Variants in UQCRC2 observed in about 807,000 individuals in gnomAD.
UQCRC2 encodes the protein cytochrome b-c1 complex subunit 2, mitochondrial.
UQCRC2 carries 49 observed loss-of-function variants against 55.6 expected under a neutral mutation model. That is an observed-to-expected ratio of 0.88 (90% CI 0.70 to 1.12). The LOEUF (loss-of-function observed/expected upper bound fraction) is 1.12. Ranked by LOEUF, UQCRC2 falls within the 50% of genes most tolerant of loss-of-function variation. The pLI is 0.00. For synonymous variants in UQCRC2, 193 were observed against 192.0 expected (o/e 1.01, Z -0.04); for missense variants, 506 against 547.8 (o/e 0.92, Z 0.76).
chr16:21,957,698 A>G (rs1188873776), intron 3 of UQCRC2, 132 bp downstream of exon 3: 1 of 1,307,236 alleles, frequency 7.6e-7, no homozygotes, highest in African/African-American at 1.5e-5. Context: ...CGGACTGGGT[A>G]GCTTAAACCA....
chr16:21,978,823 C>T (rs1422542160), intron 12 of UQCRC2, among the ~76,000 whole-genome samples: 1 of 152,100 alleles, frequency 6.6e-6, no homozygotes, highest in Non-Finnish European at 1.5e-5. Context: ...TTAAAATTGC[C>T]CTGTTTCACT....
In UQCRC2 at chr16:21,962,466, C is replaced by T. The variant is rs369630012; in HGVS notation, c.339C>T (p.Thr113=). 1.6e-5 allele frequency: 26 copies of T among 1,613,894 alleles called. No homozygotes were observed. Among genetic ancestry groups the T allele is most frequent in the Middle Eastern group, 1.6e-4 (1 of 6,084 alleles). Residue 113 remains threonine, a synonymous_variant, in exon 5 of 14, where the codon ACC becomes ACT. Coordinates refer to ENST00000268379, the MANE Select transcript of UQCRC2 (RefSeq NM_003366.4). ...IEAVGGKLSV[T]ATRENMAYTV... is the part of the protein sequence containing the mutation. ...AGTTTATTTTCCGATTCAGTGTGAC[C>T]GCAACAAGGGAAAACATGGCTTATA...
chr16:21,957,428 A>G lies in UQCRC2; in HGVS notation c.129A>G (p.Leu43=). The change falls in exon 3 of 14, where the codon TTA becomes TTG. Residue 43 remains leucine, a synonymous_variant. Coordinates refer to ENST00000268379, the MANE Select transcript of UQCRC2 (RefSeq NM_003366.4). ...TATTTTAAATACAGTTTACCAAGTTACCAAATGGCTTGGTGATTGCTTCTT... is the reference window on the plus strand; with the variant it reads ...TATTTTAAATACAGTTTACCAAGTTGCCAAATGGCTTGGTGATTGCTTCTT... ...PQPQDLEFTK[L]PNGLVIASLE... is the part of the protein sequence containing the mutation. 1 of 1,614,102 alleles carries G rather than the reference A, an allele frequency of 6.2e-7. No homozygotes were observed. The highest frequency in any genetic ancestry group is 8.5e-7 in the Non-Finnish European group (1 of 1,180,016).
At chr16:21,955,054 C>CAAA (rs11388256) in intron 1 of UQCRC2, among the ~76,000 whole-genome samples, 2,679 of 101,352 alleles carry the variant, frequency 0.026, 80 homozygotes, top group Admixed American at 0.048. Context: ...GACTCCGTCT[C>CAAA]AAAAAAAAAA....
intron 7 of UQCRC2, among the ~76,000 whole-genome samples, chr16:21,967,637 A>T (rs548795805): frequency 4.6e-5 from 7 of 152,172 alleles, no homozygotes; most frequent in Admixed American, 1.3e-4. Flanking sequence ...TCGGTTTTAA[A>T]TAAGGATTCT....
At chr16:21,959,926 A>T (rs1210350797) in intron 4 of UQCRC2, 1 of 152,208 alleles carries the variant, frequency 6.6e-6, no homozygotes, top group Non-Finnish European at 1.5e-5. Context: ...ATATTCAGTC[A>T]ACCATGCTAT....
intron 10 of UQCRC2, among the ~76,000 whole-genome samples, chr16:21,972,550 T>C (rs1389328510): frequency 6.6e-6 from 1 of 152,172 alleles, no homozygotes; most frequent in Non-Finnish European, 1.5e-5. Context: ...GTTTACAGAC[T>C]CACTCATTCA....
intron 6 of UQCRC2, among the ~76,000 whole-genome samples, chr16:21,964,730 C>A (rs1046920201): frequency 6.6e-6 from 1 of 152,216 alleles, no homozygotes; most frequent in African/African-American, 2.4e-5. Context: ...ACTTTTGACA[C>A]ACTGCCGACA....
intron 6 of UQCRC2, among the ~76,000 whole-genome samples, 198 bp from the exon 7 acceptor site, chr16:21,965,210 T>C (rs1898297280): frequency 6.6e-6 from 1 of 152,234 alleles, no homozygotes; most frequent in Non-Finnish European, 1.5e-5. Flanking sequence ...TGTAATCTTT[T>C]TTATTTTTTT....
chr16:21,965,675 TTG>T, intron 7 of UQCRC2, 170 bp downstream of exon 7: 1 of 531,380 alleles, frequency 1.9e-6, no homozygotes. Context: ...TGAACAATTT[TTG>T]TGTCTCCTTT....
intron 4 of UQCRC2, among the ~76,000 whole-genome samples, chr16:21,960,606 T>G (rs1898177807): frequency 6.6e-6 from 1 of 152,232 alleles, no homozygotes; most frequent in Non-Finnish European, 1.5e-5. Context: ...TTAACATGCC[T>G]TCCTGACTTC....
chr16:21,959,134 G>T (rs1898144009), intron 4 of UQCRC2, among the ~76,000 whole-genome samples: 1 of 152,144 alleles, frequency 6.6e-6, no homozygotes, highest in Non-Finnish European at 1.5e-5. Flanking sequence ...AGGTGGTGGT[G>T]ACTGATAATT....
intron 6 of UQCRC2, 50 bp from the exon 7 acceptor site, chr16:21,965,357 TG>T: frequency 6.4e-7 from 1 of 1,561,724 alleles, no homozygotes; most frequent in Non-Finnish European, 8.8e-7. Context: ...TTAAAAATGT[TG>T]TCTTTACTGA....
intron 11 of UQCRC2, 131 bp from the exon 12 acceptor site, chr16:21,976,036 C>T (rs977371943): frequency 2.2e-5 from 13 of 597,694 alleles, no homozygotes; most frequent in African/African-American, 1.3e-4. Flanking sequence ...GACAGCATTC[C>T]GCATGGACAC....
chr16:21,971,577 G>C lies in UQCRC2; in HGVS notation c.723G>C (p.Arg241Ser), dbSNP rs758919651. 6.2e-7 allele frequency: 1 copy of C among 1,614,160 alleles called. No homozygotes were observed. The highest frequency in any genetic ancestry group is 1.1e-5 in the South Asian group (1 of 91,084). The change falls in exon 9 of 14, where the codon AGG (arginine) becomes AGC (serine). Residue 241 changes from arginine to serine, a missense_variant. Transcript: ENST00000268379. ...KQVAEQFLNMRGGLGLSGAKA... is the reference protein window; with the variant it reads ...KQVAEQFLNMSGGLGLSGAKA... ...TTGCTGAACAGTTTCTCAACATGAG[G>C]GGTGGGCTTGGTTTATCTGGTGCAA...
intron 5 of UQCRC2, 60 bp from the exon 6 acceptor site, chr16:21,962,701 A>G: frequency 6.2e-7 from 1 of 1,610,754 alleles, no homozygotes; most frequent in South Asian, 1.1e-5. Context: ...AGCTATGTAG[A>G]ATCTCAAATG....
At chr16:21,972,743 C>G (rs998387297) in intron 10 of UQCRC2, among the ~76,000 whole-genome samples, 2 of 152,070 alleles carry the variant, frequency 1.3e-5, no homozygotes, top group African/African-American at 4.8e-5. Flanking sequence ...ATAGAAATTC[C>G]TAGTTCAGAA....
intron 13 of UQCRC2, 43 bp from the exon 14 acceptor site, chr16:21,983,045 T>C (rs748543992): frequency 6.3e-7 from 1 of 1,576,148 alleles, no homozygotes; most frequent in Non-Finnish European, 8.7e-7. Flanking sequence ...ATGATATATA[T>C]TTTTATTTTT....
At chr16:21,979,606 CA>C (rs1322716744) in intron 12 of UQCRC2, among the ~76,000 whole-genome samples, 4 of 152,008 alleles carry the variant, frequency 2.6e-5, no homozygotes, top group Non-Finnish European at 5.9e-5. Flanking sequence ...AAATACAGCA[CA>C]AAAGATAAAA....
Sources: gnomAD v4.1 joint callset for allele counts (sites outside exome capture counted in the v4.1 genomes callset) on GRCh38, gnomAD v4.1.1 for gene constraint, MANE v1.5 for transcripts, NCBI Gene and HGNC (gene_info 2026-07-23, HGNC 2026-07-21) for gene names.